Variants in ELAPOR1 observed in about 807,000 individuals in gnomAD.
ELAPOR1 encodes endosome-lysosome associated apoptosis and autophagy regulator 1.
Under a neutral mutation model 119.7 loss-of-function variants are expected in ELAPOR1, and 77 were observed. The observed-to-expected ratio is 0.64, with a 90% CI of 0.54 to 0.78. The LOEUF (loss-of-function observed/expected upper bound fraction) is 0.78, where lower values mean the gene tolerates loss of function less well. Ranked by LOEUF, ELAPOR1 falls within the 30% of genes least tolerant of loss-of-function variation. The pLI is 0.00. For synonymous variants in ELAPOR1, 481 were observed against 487.2 expected (o/e 0.99, Z 0.17); for missense variants, 1,115 against 1,270.4 (o/e 0.88, Z 1.86).
chr1:109,151,643 T>C (rs1321058540), intron 1 of ELAPOR1, among the ~76,000 whole-genome samples: 1 of 152,216 alleles, frequency 6.6e-6, no homozygotes, highest in Non-Finnish European at 1.5e-5. Context: ...GTGGAATTCA[T>C]TGGTACTTCC....
At position 109,171,998 on chromosome 1, in the gene ELAPOR1, C is replaced by T. The variant is rs754259428; in HGVS notation, c.600C>T (p.Ile200=). Reference sequence around the variant, plus strand: ...AATACTACTATCCAGACTCCAGCATCATCTTTGAGTTTTTCGTAAGCCCCT... The same window carrying T: ...AATACTACTATCCAGACTCCAGCATTATCTTTGAGTTTTTCGTAAGCCCCT... ...NFEYYYPDSS[I]IFEFFVQNDQ... Residue 200 remains isoleucine, a synonymous_variant, in exon 4 of 22, where the codon ATC becomes ATT. Coordinates refer to ENST00000369939, the MANE Select transcript of ELAPOR1 (RefSeq NM_020775.5). 1.2e-6 allele frequency: 2 copies of T among 1,614,096 alleles called. No individual in the cohort carries two copies. Among genetic ancestry groups the T allele is most frequent in the African/African-American group, 2.7e-5 (2 of 74,928 alleles).
At chr1:109,181,712 C>T (rs1652704108) in intron 7 of ELAPOR1, among the ~76,000 whole-genome samples, 1 of 152,152 alleles carries the variant, frequency 6.6e-6, no homozygotes, top group South Asian at 2.1e-4. Flanking sequence ...CAGTCAAAAG[C>T]AGGAGTCCAT....
At chr1:109,170,569 C>T (rs553857705) in intron 3 of ELAPOR1, among the ~76,000 whole-genome samples, 46 of 152,080 alleles carry the variant, frequency 3.0e-4, no homozygotes, top group African/African-American at 9.6e-4. Flanking sequence ...TGTCAGGAGG[C>T]CCAGAGGTAA....
intron 1 of ELAPOR1, among the ~76,000 whole-genome samples, chr1:109,159,318 G>A (rs1286070291): frequency 6.6e-6 from 1 of 152,134 alleles, no homozygotes; most frequent in African/African-American, 2.4e-5. Context: ...ATATTGAAAG[G>A]GAAATTTTCT....
Position 109,199,730 on chromosome 1 carries a change from G to A in ELAPOR1, c.2502-124G>A, listed in dbSNP as rs1420960161. Reference sequence around the variant, plus strand: ...TTAAGGACTAGTTGGAAGGATCCTGGTAGGGCTAATGGTTTGGGCAGGGAG... The same window carrying A: ...TTAAGGACTAGTTGGAAGGATCCTGATAGGGCTAATGGTTTGGGCAGGGAG... On this transcript the variant is annotated intron_variant, in intron 18 of 21. Coordinates refer to ENST00000369939, the MANE Select transcript of ELAPOR1 (RefSeq NM_020775.5). 3 of 1,131,820 alleles carry A rather than the reference G, an allele frequency of 2.7e-6. No individual in the cohort carries two copies. In the East Asian group the frequency reaches 7.4e-5, roughly 28 times the overall value. 70.1% of individuals were successfully genotyped at this position (1,131,820 alleles called of 1,614,324 possible). A position where few individuals can be genotyped will look rare whatever the true frequency, so the allele number is the denominator to read the frequency against.
intron 1 of ELAPOR1, among the ~76,000 whole-genome samples, chr1:109,117,029 G>A (rs1243106338): frequency 6.7e-6 from 1 of 149,588 alleles, no homozygotes; most frequent in Non-Finnish European, 1.5e-5. Flanking sequence ...AATTTCTTGT[G>A]AGCTGATGTT....
intron 8 of ELAPOR1, among the ~76,000 whole-genome samples, chr1:109,185,871 A>AT (rs1015331450): frequency 6.6e-6 from 1 of 152,116 alleles, no homozygotes; most frequent in Non-Finnish European, 1.5e-5. Flanking sequence ...AGAGGAGGCC[A>AT]TTTGTTCAAC....
At chr1:109,200,550 C>A (rs544662321) in intron 20 of ELAPOR1, among the ~76,000 whole-genome samples, 185 bp from the exon 21 acceptor site, 1 of 152,186 alleles carries the variant, frequency 6.6e-6, no homozygotes, top group Non-Finnish European at 1.5e-5. Context: ...CCTTAAGGAA[C>A]AAAGATCACT....
intron 1 of ELAPOR1, among the ~76,000 whole-genome samples, chr1:109,144,061 A>ATATATTTTTTTTTTTTTTT: frequency 3.8e-4 from 34 of 88,982 alleles, no homozygotes; most frequent in African/African-American, 5.3e-4. Flanking sequence ...ATATTTATAT[A>ATATATTTTTTTTTTTTTTT]TTTTTTTTTT....
intron 8 of ELAPOR1, 171 bp from the exon 9 acceptor site, chr1:109,188,005 TG>T: frequency 2.9e-6 from 4 of 1,372,320 alleles, no homozygotes; most frequent in Non-Finnish European, 3.8e-6. Context: ...ACTCAGGCAC[TG>T]GGCTAGGTGC....
At chr1:109,118,900 C>CTTTTTTTTTTTTTTTTTT (rs777752743) in intron 1 of ELAPOR1, among the ~76,000 whole-genome samples, 1 of 128,210 alleles carries the variant, frequency 7.8e-6, no homozygotes, top group Non-Finnish European at 1.6e-5. Flanking sequence ...TTTGGTTCTT[C>CTTTTTTTTTTTTTTTTTT]TTTTTTTTTT....
In ELAPOR1 at chr1:109,152,128, C is replaced by T. The variant is rs1002971273; in HGVS notation, c.154-9766C>T. 3.9e-5 allele frequency among the ~76,000 whole-genome samples: 6 copies of T among 152,342 alleles called. No homozygotes were observed. In the East Asian group the frequency reaches 1.2e-3, roughly 29 times the overall value. On this transcript the variant is annotated intron_variant, in intron 1 of 21. Transcript: ENST00000369939. ...GCCTCAAGCAATCCTTCTGCCCTGG[C>T]CTCCCAAAGTGTTGGGATTACAGGC... is the stretch of plus-strand genomic sequence containing the variant.
rs1173410611 is a variant in ELAPOR1, at chr1:109,200,826, G to A, written c.2899G>A (p.Glu967Lys). ...AADSCAIMEG[E>K]DVEDDLIFTS... ...TGACAGCTGCGCCATCATGGAAGGCGAGGATGTAGAGGACGACCTCATCTT... is the reference window on the plus strand; with the variant it reads ...TGACAGCTGCGCCATCATGGAAGGCAAGGATGTAGAGGACGACCTCATCTT... The change falls in exon 21 of 22, where the codon GAG becomes AAG. Residue 967 changes from glutamate (E) to lysine (K), a missense_variant. Transcript: ENST00000369939. 21 of 1,614,094 alleles carry A rather than the reference G, an allele frequency of 1.3e-5. No individual in the cohort carries two copies. The highest frequency in any genetic ancestry group is 3.3e-5 in the Admixed American group (2 of 60,014).
intron 1 of ELAPOR1, among the ~76,000 whole-genome samples, chr1:109,153,916 T>C (rs1650694435): frequency 6.6e-6 from 1 of 152,042 alleles, no homozygotes; most frequent in African/African-American, 2.4e-5. Flanking sequence ...TTTATTCTAG[T>C]CTGTATTTTC....
At chr1:109,179,127 G>A (rs1046549972) in intron 7 of ELAPOR1, among the ~76,000 whole-genome samples, 1 of 151,982 alleles carries the variant, frequency 6.6e-6, no homozygotes, top group African/African-American at 2.4e-5. Flanking sequence ...AGGGCCAGGC[G>A]CAGTGGCTCA....
At chr1:109,170,701 G>A (rs918302398) in intron 3 of ELAPOR1, among the ~76,000 whole-genome samples, 1 of 152,220 alleles carries the variant, frequency 6.6e-6, no homozygotes, top group Non-Finnish European at 1.5e-5. Context: ...TTAATTTGAA[G>A]CAAGGGAGTG....
At chr1:109,133,836 CT>C (rs755307333) in intron 1 of ELAPOR1, among the ~76,000 whole-genome samples, 197 of 152,300 alleles carry the variant, frequency 1.3e-3, no homozygotes, top group Admixed American at 2.7e-3. Flanking sequence ...CCTCCTGTGC[CT>C]GCTAAAAAGC....
At chr1:109,127,794 G>A (rs1289705081) in intron 1 of ELAPOR1, among the ~76,000 whole-genome samples, 2 of 149,758 alleles carry the variant, frequency 1.3e-5, no homozygotes, top group South Asian at 2.1e-4. Flanking sequence ...GAACTCCTGG[G>A]CTCAGGTCAT....
intron 1 of ELAPOR1, among the ~76,000 whole-genome samples, chr1:109,128,227 T>A (rs1311135166): frequency 6.6e-6 from 1 of 152,126 alleles, no homozygotes; most frequent in Non-Finnish European, 1.5e-5. Context: ...AAAAATAAAA[T>A]AAATTGAGTT....
Sources: gnomAD v4.1 joint callset for allele counts (sites outside exome capture counted in the v4.1 genomes callset) on GRCh38, gnomAD v4.1.1 for gene constraint, MANE v1.5 for transcripts, NCBI Gene and HGNC (gene_info 2026-07-23, HGNC 2026-07-21) for gene names.